NSUN2: variants seen among roughly 807,000 people sequenced by gnomAD.
NSUN2 encodes NOP2/Sun RNA methyltransferase 2.
NSUN2 carries 63 observed loss-of-function variants against 92.7 expected under a neutral mutation model. The ratio of observed to expected loss-of-function variants is 0.68; its 90% confidence interval spans 0.56 to 0.84. NSUN2 has a LOEUF of 0.84. Ranked by LOEUF, NSUN2 falls within the 40% of genes least tolerant of loss-of-function variation. The probability of loss-of-function intolerance (pLI) is 0.00; values close to 1 mark genes in which losing one functional copy is unlikely to be tolerated. For synonymous variants in NSUN2, 356 were observed against 348.3 expected, an observed-to-expected ratio of 1.02 and a Z score of -0.25; for missense variants, 989 against 964.9, an observed-to-expected ratio of 1.02 and a Z score of -0.33.
In NSUN2 at chr5:6,632,775, G is replaced by C. The variant is rs1213287987; in HGVS notation, c.97-19C>G. 1.1e-5 allele frequency: 18 copies of C among 1,609,950 alleles called. No homozygotes were observed. Among genetic ancestry groups the C allele is most frequent in the Non-Finnish European group, 1.2e-5 (14 of 1,177,996 alleles). On this transcript the variant is annotated intron_variant, in intron 1 of 18. Transcript: ENST00000264670. ...CCCAGCCCTGAGGAAGGAAAGAGAC[G>C]TCTACCCCGAGGCCCAAGGAGCCGC...
At chr5:6,613,378 C>T (rs1737078705) in intron 9 of NSUN2, among the ~76,000 whole-genome samples, 1 of 152,182 alleles carries the variant, frequency 6.6e-6, no homozygotes, top group Non-Finnish European at 1.5e-5. Context: ...TATGAATGCC[C>T]TTATACTTAA....
intron 18 of NSUN2, among the ~76,000 whole-genome samples, 154 bp downstream of exon 18, chr5:6,602,307 T>C (rs192174485): frequency 1.6e-4 from 24 of 152,394 alleles, no homozygotes; most frequent in African/African-American, 5.3e-4. Context: ...AGGAATATTT[T>C]GGTTCTGAAG....
chr5:6,608,669 C>T (rs1406287928), intron 12 of NSUN2, among the ~76,000 whole-genome samples: 1 of 152,156 alleles, frequency 6.6e-6, no homozygotes, highest in East Asian at 1.9e-4. Flanking sequence ...ACGTCAGAAA[C>T]ATCAATGTAA....
rs771596378 is a variant in NSUN2, at chr5:6,602,464, G to A, written c.1994C>T (p.Ser665Phe). 1.2e-6 allele frequency: 2 copies of A among 1,613,914 alleles called. No homozygotes were observed. Among genetic ancestry groups the A allele is most frequent in the Non-Finnish European group, 1.7e-6 (2 of 1,179,976 alleles). ...GSIVLKYEPD[S>F]ANPDALQCPI... ...GGCAGGGCGTGTACTGACTTACGCA[G>A]AATCTGGTTCATACTTCAGCACGAT... Residue 665 changes from serine (S) to phenylalanine (F), a missense_variant, in exon 18 of 19, where the codon TCT (serine) becomes TTT (phenylalanine). Transcript: ENST00000264670.
chr5:6,617,437 TAAAA>T (rs1436323188), intron 8 of NSUN2, among the ~76,000 whole-genome samples: 2 of 152,146 alleles, frequency 1.3e-5, no homozygotes, highest in Non-Finnish European at 2.9e-5. Context: ...AAAAAGTACT[TAAAA>T]AATCCCTGTA....
intron 14 of NSUN2, among the ~76,000 whole-genome samples, chr5:6,605,789 C>T (rs968433796): frequency 2.0e-5 from 3 of 151,914 alleles, no homozygotes; most frequent in African/African-American, 7.3e-5. Context: ...CCTCTGCCTC[C>T]CGGGTTGAAG....
At chr5:6,607,443 A>G in intron 12 of NSUN2, 59 bp from the exon 13 acceptor site, 10 of 1,444,384 alleles carry the variant, frequency 6.9e-6, no homozygotes, top group Non-Finnish European at 9.5e-6. Context: ...TGCTGCTACG[A>G]AAAGTTAAAA....
Position 6,620,158 on chromosome 5 carries a change from C to T in NSUN2, c.763G>A (p.Gly255Ser), listed in dbSNP as rs140003855. ...SIPRLQIDVD[G>S]RKEILFYDRI... is the part of the protein sequence containing the mutation. ...TCATAGAAGAGGATCTCTTTCCTGC[C>T]GTCCACATCTATCTGGAGCCTGGGT... is the stretch of plus-strand genomic sequence containing the variant. The change falls in exon 7 of 19, where the codon GGC (glycine) becomes AGC (serine). Residue 255 changes from glycine (G) to serine (S), a missense_variant. By Grantham distance (56) the Gly-to-Ser change is moderately conservative (BLOSUM62 0). Coordinates refer to ENST00000264670, the MANE Select transcript of NSUN2 (RefSeq NM_017755.6). 161 of 1,610,122 alleles carry T rather than the reference C, an allele frequency of 1.0e-4. No homozygotes were observed. The highest frequency in any genetic ancestry group is 1.3e-4 in the Non-Finnish European group (151 of 1,178,424).
chr5:6,602,398 A>G, intron 18 of NSUN2, 63 bp downstream of exon 18: 1 of 1,517,684 alleles, frequency 6.6e-7, no homozygotes, highest in Non-Finnish European at 9.1e-7. Context: ...TTCCTCACCA[A>G]CGAGAACACT....
chr5:6,609,899 T>C lies in NSUN2; in HGVS notation c.1250A>G (p.Gln417Arg). 1 of 1,612,972 alleles carries C rather than the reference T, an allele frequency of 6.2e-7. No individual in the cohort carries two copies. The highest frequency in any genetic ancestry group is 8.5e-7 in the Non-Finnish European group (1 of 1,179,028). ...TGCCACAAAAAACCCTCCAGTATTC[T>C]GATGATGGGGTAATATCCTAAGGCT... Reference protein sequence around the residue: ...ERCLRILPHHQNTGGFFVAVL... With the variant: ...ERCLRILPHHRNTGGFFVAVL... The change falls in exon 12 of 19, where the codon CAG (glutamine) becomes CGG (arginine). Residue 417 changes from glutamine (Q) to arginine (R), a missense_variant. By Grantham distance (43) the Gln-to-Arg change is conservative. This residue lies in a region of NSUN2 where 626 missense variants were observed against 602.3 expected (regional missense o/e 1.04). Coordinates refer to ENST00000264670, the MANE Select transcript of NSUN2 (RefSeq NM_017755.6).
At chr5:6,621,904 T>A (rs2303705) in intron 6 of NSUN2, 112 bp downstream of exon 6, 9 of 828,354 alleles carry the variant, frequency 1.1e-5, no homozygotes, top group Non-Finnish European at 1.8e-5. Context: ...ACCCAACTGC[T>A]TGTCATAGGA....
At chr5:6,614,111 A>C (rs1242131087) in intron 9 of NSUN2, among the ~76,000 whole-genome samples, 4,739 of 90,928 alleles carry the variant, frequency 0.052, 656 homozygotes, top group African/African-American at 0.13. Context: ...AAAAAAAAAA[A>C]AAAAAAAAAA....
chr5:6,619,578 A>C (rs561638933), intron 7 of NSUN2, among the ~76,000 whole-genome samples: 2 of 152,230 alleles, frequency 1.3e-5, no homozygotes, highest in Non-Finnish European at 2.9e-5. Flanking sequence ...TAAATATCTA[A>C]AATGTTGATG....
At chr5:6,632,830 G>T in intron 1 of NSUN2, 54 bp downstream of exon 1, 1 of 1,554,554 alleles carries the variant, frequency 6.4e-7, no homozygotes, top group Non-Finnish European at 8.7e-7. Context: ...AGGCCTCGGG[G>T]TCCGGGAAGC....
At chr5:6,605,203 A>C (rs112393040) in intron 15 of NSUN2, 70 bp downstream of exon 15, 3 of 1,586,232 alleles carry the variant, frequency 1.9e-6, no homozygotes, top group African/African-American at 1.4e-5. Context: ...CTCCAAATGA[A>C]ATCTAAGCCG....
chr5:6,601,226 C>G (rs1487400963), intron 18 of NSUN2, among the ~76,000 whole-genome samples: 1 of 152,034 alleles, frequency 6.6e-6, no homozygotes, highest in Non-Finnish European at 1.5e-5. Flanking sequence ...CAAGTAGAAA[C>G]AAGTGTTTAA....
chr5:6,617,820 G>T, intron 8 of NSUN2, 130 bp downstream of exon 8: 1 of 572,788 alleles, frequency 1.7e-6, no homozygotes, highest in Non-Finnish European at 3.0e-6. Context: ...TAAAACAGTT[G>T]AAGGTGGCCA....
chr5:6,600,438 C>T (rs540151855), intron 18 of NSUN2, among the ~76,000 whole-genome samples: 3 of 152,202 alleles, frequency 2.0e-5, no homozygotes, highest in African/African-American at 7.2e-5. Flanking sequence ...GTAAAATTCT[C>T]ACCCTCGCTT....
intron 9 of NSUN2, among the ~76,000 whole-genome samples, 181 bp downstream of exon 9, chr5:6,616,546 G>C (rs1472911135): frequency 6.6e-6 from 1 of 152,152 alleles, no homozygotes; most frequent in East Asian, 1.9e-4. Flanking sequence ...TTTCAGTTTT[G>C]CAAGGTGAAG....
Sources: gnomAD v4.1 joint callset for allele counts (sites outside exome capture counted in the v4.1 genomes callset) on GRCh38, gnomAD v4.1.1 for gene constraint, gnomAD v4.1.1 regional missense constraint, MANE v1.5 for transcripts, NCBI Gene and HGNC (gene_info 2026-07-23, HGNC 2026-07-21) for gene names.